Variants in ASB3 observed in about 807,000 individuals in gnomAD.
The protein encoded by ASB3 is ankyrin repeat and SOCS box containing 3.
ASB3 carries 41 observed loss-of-function variants against 54.5 expected under a neutral mutation model. That is an observed-to-expected ratio of 0.75 (90% confidence interval 0.59 to 0.98). ASB3 has a LOEUF of 0.98. Among genes scored for constraint, ASB3 ranks in the 50% least tolerant of loss-of-function variants. The probability of loss-of-function intolerance (pLI) is 0.00; values close to 1 mark genes in which losing one functional copy is unlikely to be tolerated. For synonymous variants in ASB3, 266 were observed against 221.2 expected (o/e 1.20, Z -1.80); for missense variants, 733 against 620.0 (o/e 1.18, Z -1.94).
chr2:53,714,873 G>C (rs947512218), intron 6 of ASB3, among the ~76,000 whole-genome samples: 6 of 151,932 alleles, frequency 3.9e-5, no homozygotes, highest in African/African-American at 1.2e-4. Context: ...TACCTTACTA[G>C]CACCACCTTA....
chr2:53,739,377 G>A (rs1020173780), intron 3 of ASB3, among the ~76,000 whole-genome samples: 1 of 152,166 alleles, frequency 6.6e-6, no homozygotes. Context: ...TCTCATCTGG[G>A]AGAAATATGG....
chr2:53,729,428 T>A (rs754479168), intron 4 of ASB3, 30 bp downstream of exon 4: 1 of 1,607,606 alleles, frequency 6.2e-7, no homozygotes, highest in African/African-American at 1.3e-5. Flanking sequence ...ACAATTTACA[T>A]GGAAATGAAA....
At chr2:53,722,051 A>C (rs1350833774) in intron 5 of ASB3, among the ~76,000 whole-genome samples, 1 of 152,150 alleles carries the variant, frequency 6.6e-6, no homozygotes, top group Non-Finnish European at 1.5e-5. Context: ...TGAGACTATT[A>C]CGAACACCTC....
At chr2:53,712,968 G>C (rs570892538) in intron 7 of ASB3, among the ~76,000 whole-genome samples, 1 of 152,270 alleles carries the variant, frequency 6.6e-6, no homozygotes, top group Admixed American at 6.5e-5. Context: ...AAAATCCTAT[G>C]AAATCATGAA....
intron 5 of ASB3, among the ~76,000 whole-genome samples, chr2:53,720,926 G>A (rs946586131): frequency 4.6e-5 from 7 of 151,892 alleles, no homozygotes; most frequent in African/African-American, 1.7e-4. Flanking sequence ...AGACCAAATT[G>A]GCCAACACGA....
At chr2:53,710,270 CTCTTTCCTATA>C (rs1348424935) in intron 7 of ASB3, among the ~76,000 whole-genome samples, 5 of 152,216 alleles carry the variant, frequency 3.3e-5, no homozygotes, top group African/African-American at 4.8e-5. Context: ...AGTTAATTTA[CTCTTTCCTATA>C]TCTTTCATTT....
intron 3 of ASB3, among the ~76,000 whole-genome samples, chr2:53,732,784 G>A (rs1671392297): frequency 4.6e-5 from 7 of 152,118 alleles, no homozygotes; most frequent in Admixed American, 4.6e-4. Context: ...TCAAAATAAA[G>A]CAAATTTAAT....
chr2:53,689,984 G>A (rs1668822628), intron 9 of ASB3, among the ~76,000 whole-genome samples: 1 of 152,090 alleles, frequency 6.6e-6, no homozygotes, highest in African/African-American at 2.4e-5. Context: ...TATAATACCA[G>A]CACTTTGGGA....
At chr2:53,682,467 C>G (rs1668424777) in intron 9 of ASB3, among the ~76,000 whole-genome samples, 1 of 151,770 alleles carries the variant, frequency 6.6e-6, no homozygotes, top group Admixed American at 6.6e-5. Context: ...ATTTCTTTTT[C>G]AGATTGTTCA....
chr2:53,747,734 T>C (rs1672302299), intron 3 of ASB3, among the ~76,000 whole-genome samples: 1 of 152,130 alleles, frequency 6.6e-6, no homozygotes, highest in Non-Finnish European at 1.5e-5. Context: ...GAACACTCTT[T>C]CTAGTTAAGG....
intron 9 of ASB3, among the ~76,000 whole-genome samples, chr2:53,688,000 T>G (rs1360791425): frequency 2.0e-5 from 3 of 152,130 alleles, no homozygotes; most frequent in Non-Finnish European, 4.4e-5. Flanking sequence ...TTATTTTATT[T>G]TGTAGAGATG....
At chr2:53,672,537 T>C (rs1179993871) in intron 9 of ASB3, among the ~76,000 whole-genome samples, 1 of 152,148 alleles carries the variant, frequency 6.6e-6, no homozygotes, top group Non-Finnish European at 1.5e-5. Context: ...AAGGAAGCCC[T>C]CTTAGTAGGA....
chr2:53,751,369 G>T (rs886828321), intron 2 of ASB3, among the ~76,000 whole-genome samples: 1 of 152,064 alleles, frequency 6.6e-6, no homozygotes, highest in African/African-American at 2.4e-5. Flanking sequence ...CTTCCTTGTA[G>T]TCAACTAATA....
intron 2 of ASB3, among the ~76,000 whole-genome samples, chr2:53,760,402 G>A (rs2104063153): frequency 6.6e-6 from 1 of 152,258 alleles, no homozygotes; most frequent in East Asian, 1.9e-4. Flanking sequence ...AAGAAAAGAA[G>A]TAGAAGGGAA....
intron 5 of ASB3, among the ~76,000 whole-genome samples, chr2:53,727,633 CTCAA>C (rs1431369968): frequency 6.6e-6 from 1 of 152,156 alleles, no homozygotes; most frequent in Admixed American, 6.5e-5. Context: ...AAGGCCTGGC[CTCAA>C]TCAATCAATA....
At chr2:53,771,876 A>C in intron 1 of ASB3, 1 of 1,435,554 alleles carries the variant, frequency 7.0e-7, no homozygotes, top group Non-Finnish European at 9.6e-7. Context: ...TTATTAATTC[A>C]GAAAAATTTT....
At chr2:53,688,171 G>C (rs890183299) in intron 9 of ASB3, among the ~76,000 whole-genome samples, 3 of 152,178 alleles carry the variant, frequency 2.0e-5, no homozygotes, top group African/African-American at 7.2e-5. Flanking sequence ...ATAGGATCTG[G>C]TTGTAAGTTA....
chr2:53,763,075 G>C (rs1479634879), intron 2 of ASB3, among the ~76,000 whole-genome samples: 1 of 152,120 alleles, frequency 6.6e-6, no homozygotes, highest in Non-Finnish European at 1.5e-5. Flanking sequence ...ACCTCAGGGA[G>C]GTAGGAAAAT....
chr2:53,693,181 G>C (rs1318539849), intron 9 of ASB3, among the ~76,000 whole-genome samples: 1 of 152,124 alleles, frequency 6.6e-6, no homozygotes, highest in Non-Finnish European at 1.5e-5. Flanking sequence ...ACAAAATATA[G>C]TCAAAGCAAA....
Sources: gnomAD v4.1 joint callset for allele counts (sites outside exome capture counted in the v4.1 genomes callset) on GRCh38, gnomAD v4.1.1 for gene constraint, MANE v1.5 for transcripts, NCBI Gene and HGNC (gene_info 2026-07-23, HGNC 2026-07-21) for gene names.